CHD1L: variants seen among roughly 807,000 people sequenced by gnomAD.
CHD1L encodes ATP-dependent chromatin remodeler CHD1L.
In CHD1L, 118 loss-of-function variants were observed where a neutral mutation model predicts 115.9. That is an observed-to-expected ratio of 1.02 (90% CI 0.88 to 1.19). The LOEUF (loss-of-function observed/expected upper bound fraction) is 1.19, where lower values mean the gene tolerates loss of function less well. CHD1L is among the 50% of genes most tolerant of loss of function. The pLI is 0.00. For missense variants in CHD1L, 1,179 were observed against 1,065.3 expected (o/e 1.11, Z -1.49); for synonymous variants, 411 against 387.1 (o/e 1.06, Z -0.72).
rs1665124972 is a variant in CHD1L, at chr1:147,242,772, G to C, written c.69G>C (p.Glu23Asp). The change falls in exon 1 of 23, where the codon GAG becomes GAC. Residue 23 changes from glutamate to aspartate, a missense_variant. Coordinates refer to ENST00000369258, the MANE Select transcript of CHD1L (RefSeq NM_004284.6). Reference protein sequence around the residue: ...APGFLLRLHTEGRAEAARVQE... With the variant: ...APGFLLRLHTDGRAEAARVQE... ...GCTTCTTACTGCGGCTTCATACTGA[G>C]GGCCGAGCCGAGGCGGCGCGGGTGC... is the stretch of plus-strand genomic sequence containing the variant. 1 of 1,270,152 alleles carries C rather than the reference G, an allele frequency of 7.9e-7. No individual in the cohort carries two copies. Among genetic ancestry groups the C allele is most frequent in the Non-Finnish European group, 1.0e-6 (1 of 1,000,778 alleles). The allele number at this position is 1,270,152 out of a possible 1,614,324, so 78.7% of individuals were successfully genotyped here. A position where few individuals can be genotyped will look rare whatever the true frequency, so the allele number is the denominator to read the frequency against.
chr1:147,250,872 G>A (rs909203398), intron 1 of CHD1L, among the ~76,000 whole-genome samples: 7 of 152,098 alleles, frequency 4.6e-5, no homozygotes, highest in South Asian at 4.1e-4. Flanking sequence ...TAATCTCCAC[G>A]TGTCAAGGGT....
chr1:147,267,821 G>A (rs140815996), intron 9 of CHD1L, among the ~76,000 whole-genome samples: 2,074 of 151,840 alleles, frequency 0.014, 20 homozygotes, highest in Non-Finnish European at 0.019. Context: ...ATTCTTCAGC[G>A]TTTTTTTTCT....
intron 19 of CHD1L, among the ~76,000 whole-genome samples, chr1:147,288,322 C>T (rs1224326756): frequency 1.1e-5 from 1 of 87,912 alleles, no homozygotes; most frequent in African/African-American, 4.8e-5. Context: ...GACCCTGTTT[C>T]AATAAAAAAA....
intron 22 of CHD1L, among the ~76,000 whole-genome samples, chr1:147,294,902 CAAAT>C (rs201478786): frequency 0.015 from 2,232 of 152,218 alleles, 25 homozygotes; most frequent in Middle Eastern, 0.031. Context: ...GTTAAGCAAA[CAAAT>C]AAGTGAACTA....
chr1:147,293,624 C>T lies in CHD1L; in HGVS notation c.2408C>T (p.Ala803Val). Residue 803 changes from alanine to valine, a missense_variant, in exon 21 of 23, where the codon GCT becomes GTT. By Grantham distance (64) the Ala-to-Val change is moderately conservative. Transcript: ENST00000369258. ...KGQDLLALIV[A>V]QHRDRSNVLS... The stretch of plus-strand genomic sequence containing the variant: ...TCTTTCCAGTTGGCCTTGATTGTGG[C>T]TCAGCATCGTGATCGTTCCAATGTC... 1 of 1,614,020 alleles carries T rather than the reference C, an allele frequency of 6.2e-7. No individual in the cohort carries two copies. Among genetic ancestry groups the T allele is most frequent in the Non-Finnish European group, 8.5e-7 (1 of 1,179,964 alleles).
chr1:147,248,823 AC>A (rs2102302837), intron 1 of CHD1L, among the ~76,000 whole-genome samples: 1 of 152,312 alleles, frequency 6.6e-6, no homozygotes, highest in Admixed American at 6.5e-5. Context: ...TGGAAACATT[AC>A]TTCCCTTTAT....
At chr1:147,223,732 T>C in the CHD1L span, 5 of 209,244 alleles carry the variant, frequency 2.4e-5, no homozygotes, top group South Asian at 2.8e-4. Context: ...GGCCCCCCTA[T>C]ATCAGGTTGC....
chr1:147,294,740 ATAAAT>A (rs1268356002), intron 22 of CHD1L, among the ~76,000 whole-genome samples: 1 of 152,212 alleles, frequency 6.6e-6, no homozygotes, highest in East Asian at 1.9e-4. Context: ...ATGCCAGCAG[ATAAAT>A]TAAAAGATAC....
chr1:147,291,640 C>A, intron 20 of CHD1L, 88 bp downstream of exon 20: 1 of 1,015,172 alleles, frequency 9.9e-7, no homozygotes, highest in Non-Finnish European at 1.6e-6. Context: ...GGCCTCTCTG[C>A]TAGTGTATTA....
At chr1:147,201,257 T>G in the CHD1L span, 1 of 1,614,164 alleles carries the variant, frequency 6.2e-7, no homozygotes, top group South Asian at 1.1e-5. Context: ...CTTTCCAGGT[T>G]AGGAGGGAAG....
chr1:147,285,257 G>T, intron 16 of CHD1L, 67 bp from the exon 17 acceptor site: 1 of 1,526,548 alleles, frequency 6.6e-7, no homozygotes, highest in Admixed American at 1.9e-5. Flanking sequence ...TACAGTGTGT[G>T]TTAGGGATAA....
chr1:147,287,255 C>T (rs1683522380), intron 18 of CHD1L, among the ~76,000 whole-genome samples: 1 of 152,152 alleles, frequency 6.6e-6, no homozygotes, highest in Non-Finnish European at 1.5e-5. Context: ...GTCACTTAAC[C>T]TTTCCTGTGT....
chr1:147,239,675 T>G (rs1327980310), upstream of CHD1L, among the ~76,000 whole-genome samples: 1 of 152,216 alleles, frequency 6.6e-6, no homozygotes, highest in Non-Finnish European at 1.5e-5. Context: ...CTGGCAGACC[T>G]GGAGTCTCTC....
chr1:147,182,686 T>A, the CHD1L span, among the ~76,000 whole-genome samples: 5,609 of 152,256 alleles, frequency 0.037, 147 homozygotes, highest in South Asian at 0.095. Flanking sequence ...ACAATTCTGC[T>A]AATAATTTCA....
intron 1 of CHD1L, among the ~76,000 whole-genome samples, chr1:147,248,697 T>A (rs1472637409): frequency 6.6e-6 from 1 of 152,200 alleles, no homozygotes; most frequent in African/African-American, 2.4e-5. Context: ...TGTTTTTTAG[T>A]TTATCTCTTT....
intron 8 of CHD1L, among the ~76,000 whole-genome samples, chr1:147,266,666 TAAA>T (rs1475412468): frequency 6.6e-6 from 1 of 152,130 alleles, no homozygotes; most frequent in Non-Finnish European, 1.5e-5. Context: ...TTATTTTACT[TAAA>T]AATGGCCCCA....
At chr1:147,242,680 CG>C, upstream of CHD1L, 1 of 1,264,066 alleles carries the variant, frequency 7.9e-7, no homozygotes. Context: ...CTTGGCCGCG[CG>C]GGGCGGGGCC....
At chr1:147,266,919 T>C (rs1674156134) in intron 8 of CHD1L, among the ~76,000 whole-genome samples, 2 of 152,218 alleles carry the variant, frequency 1.3e-5, no homozygotes, top group Non-Finnish European at 2.9e-5. Flanking sequence ...TAGGTATGTA[T>C]GTATGGGAAA....
the CHD1L span, chr1:147,204,158 A>G: frequency 1.7e-6 from 2 of 1,143,358 alleles, no homozygotes; most frequent in Non-Finnish European, 1.3e-6. Flanking sequence ...ATCAGTCTTT[A>G]TCAACACTGT....
Sources: gnomAD v4.1 joint callset for allele counts (sites outside exome capture counted in the v4.1 genomes callset) on GRCh38, gnomAD v4.1.1 for gene constraint, MANE v1.5 for transcripts, NCBI Gene and HGNC (gene_info 2026-07-23, HGNC 2026-07-21) for gene names.